Variants in ZNF804A observed in about 807,000 individuals in gnomAD.
ZNF804A encodes zinc finger protein 804A.
ZNF804A carries 2 observed loss-of-function variants against 16.5 expected under a neutral mutation model. The observed-to-expected ratio is 0.12, with a 90% confidence interval of 0.05 to 0.38. ZNF804A has a LOEUF of 0.38. ZNF804A is among the 10% of genes least tolerant of loss of function. The probability of loss-of-function intolerance (pLI) is 0.99; values close to 1 mark genes in which losing one functional copy is unlikely to be tolerated. For synonymous variants in ZNF804A, 534 were observed against 489.6 expected, an observed-to-expected ratio of 1.09 and a Z score of -1.20; for missense variants, 1,473 against 1,390.7, an observed-to-expected ratio of 1.06 and a Z score of -0.94.
At chr2:184,836,486 T>C (rs1018570831) in intron 1 of ZNF804A, among the ~76,000 whole-genome samples, 1 of 152,120 alleles carries the variant, frequency 6.6e-6, no homozygotes, top group East Asian at 1.9e-4. Context: ...TTACAACTGA[T>C]AAATATAACA....
In ZNF804A at chr2:184,859,088, T is replaced by G. The variant is rs570123005; in HGVS notation, c.112-7281T>G. On this transcript the variant is annotated intron_variant, in intron 1 of 3. Coordinates refer to ENST00000302277, the MANE Select transcript of ZNF804A (RefSeq NM_194250.2). Reference sequence around the variant, plus strand: ...TTTTATTGCTGCTTTCAGGATTTTCTCTTTGTCTTTAATTTTTGACAGTTG... The same window carrying G: ...TTTTATTGCTGCTTTCAGGATTTTCGCTTTGTCTTTAATTTTTGACAGTTG... Among the ~76,000 whole-genome samples, 192 of 152,326 alleles carry G rather than the reference T, an allele frequency of 1.3e-3. 1 individual carries two copies. The highest frequency in any genetic ancestry group is 4.1e-3 in the African/African-American group (171 of 41,580).
At chr2:184,686,216 C>T (rs1227496701) in intron 1 of ZNF804A, among the ~76,000 whole-genome samples, 1 of 152,196 alleles carries the variant, frequency 6.6e-6, no homozygotes, top group Non-Finnish European at 1.5e-5. Flanking sequence ...TAGGTGGCTG[C>T]AGCTACACTA....
intron 1 of ZNF804A, among the ~76,000 whole-genome samples, chr2:184,601,137 A>G (rs773225342): frequency 2.0e-5 from 3 of 152,108 alleles, no homozygotes; most frequent in Non-Finnish European, 4.4e-5. Context: ...AAATTTTCAT[A>G]TATGATGTGA....
chr2:184,764,980 A>C (rs1332512314), intron 1 of ZNF804A, among the ~76,000 whole-genome samples: 1 of 152,238 alleles, frequency 6.6e-6, no homozygotes, highest in Non-Finnish European at 1.5e-5. Context: ...TTTTTTAAAA[A>C]AACTATTTCC....
chr2:184,810,177 G>A (rs1045026994), intron 1 of ZNF804A, among the ~76,000 whole-genome samples: 23 of 152,254 alleles, frequency 1.5e-4, no homozygotes, highest in Middle Eastern at 3.4e-3. Flanking sequence ...GGCTTTTTCT[G>A]ACACTAGGAG....
rs1368164193 is a variant in ZNF804A, at chr2:184,909,128, C to T, written c.256-24475C>T. On this transcript the variant is annotated intron_variant, in intron 2 of 3. Coordinates refer to ENST00000302277, the MANE Select transcript of ZNF804A (RefSeq NM_194250.2). ...TTCACTAGGCCTTTTTAGAATTCAT[C>T]TCTGGACTATTGTAATGTTCTGTTA... Among the ~76,000 whole-genome samples, 7 of 152,134 alleles carry T rather than the reference C, an allele frequency of 4.6e-5. No individual in the cohort carries two copies. The East Asian group carries it at 1.4e-3, about 29-fold the overall frequency.
At chr2:184,907,177 A>T (rs1685289715) in intron 2 of ZNF804A, among the ~76,000 whole-genome samples, 1 of 152,172 alleles carries the variant, frequency 6.6e-6, no homozygotes, top group African/African-American at 2.4e-5. Flanking sequence ...AAACTGTGAC[A>T]ATCTATGAAA....
chr2:184,673,189 G>A (rs1692365577), intron 1 of ZNF804A, among the ~76,000 whole-genome samples: 1 of 152,188 alleles, frequency 6.6e-6, no homozygotes, highest in African/African-American at 2.4e-5. Flanking sequence ...AAGGGGAAAA[G>A]CCAGAGGCAA....
At chr2:184,676,916 T>C (rs189591747) in intron 1 of ZNF804A, among the ~76,000 whole-genome samples, 1 of 151,936 alleles carries the variant, frequency 6.6e-6, no homozygotes. Context: ...AGGTTCAACA[T>C]AAATAAATTT....
intron 1 of ZNF804A, among the ~76,000 whole-genome samples, chr2:184,834,146 C>T (rs1695306842): frequency 6.6e-6 from 1 of 151,990 alleles, no homozygotes; most frequent in Non-Finnish European, 1.5e-5. Flanking sequence ...CTTTTTATCT[C>T]CATGATTTAT....
At chr2:184,863,394 C>T (rs1695828837) in intron 1 of ZNF804A, among the ~76,000 whole-genome samples, 2 of 152,028 alleles carry the variant, frequency 1.3e-5, no homozygotes, top group South Asian at 4.1e-4. Flanking sequence ...GCTATAGTTA[C>T]TTTTAAATTA....
At chr2:184,726,523 T>C (rs1323754947) in intron 1 of ZNF804A, among the ~76,000 whole-genome samples, 2 of 151,608 alleles carry the variant, frequency 1.3e-5, no homozygotes, top group African/African-American at 2.4e-5. Flanking sequence ...GTATTTCCAA[T>C]TGGATAGGGC....
chr2:184,822,671 G>T (rs539916053), intron 1 of ZNF804A, among the ~76,000 whole-genome samples: 1 of 152,180 alleles, frequency 6.6e-6, no homozygotes, highest in African/African-American at 2.4e-5. Context: ...AACTTAAAAG[G>T]TAGGATAGAA....
rs1324228212 is a variant in ZNF804A at position 184,866,845 on chromosome 2, T to G, written c.255+333T>G. 4.6e-5 allele frequency among the ~76,000 whole-genome samples: 7 copies of G among 150,834 alleles called. No individual in the cohort carries two copies. In the East Asian group the frequency reaches 1.4e-3, roughly 29 times the overall value. On this transcript the variant is annotated intron_variant, in intron 2 of 3. Transcript: ENST00000302277. ...AAATGTATTGTTTTAAATATTTAAA[T>G]CAATAATTTATGCATTATATTATAT...
chr2:184,666,038 G>A (rs1041070045), intron 1 of ZNF804A, among the ~76,000 whole-genome samples: 1 of 152,112 alleles, frequency 6.6e-6, no homozygotes, highest in Admixed American at 6.6e-5. Context: ...CCTTTTTACT[G>A]TGCTACTAAC....
At chr2:184,895,920 C>T (rs1170333835) in intron 2 of ZNF804A, among the ~76,000 whole-genome samples, 1 of 151,986 alleles carries the variant, frequency 6.6e-6, no homozygotes, top group Non-Finnish European at 1.5e-5. Flanking sequence ...ATATATAGTT[C>T]TCTATTCCTT....
chr2:184,913,252 G>A (rs1043985225), intron 2 of ZNF804A, among the ~76,000 whole-genome samples: 12 of 152,120 alleles, frequency 7.9e-5, no homozygotes, highest in Non-Finnish European at 1.6e-4. Context: ...GTATACATTG[G>A]CATAGATTTA....
At chr2:184,675,363 CT>C in intron 1 of ZNF804A, among the ~76,000 whole-genome samples, 1 of 151,742 alleles carries the variant, frequency 6.6e-6, no homozygotes, top group East Asian at 1.9e-4. Flanking sequence ...ATAAATTTGA[CT>C]TACTTTTGTG....
At chr2:184,852,161 T>G (rs1695613957) in intron 1 of ZNF804A, among the ~76,000 whole-genome samples, 1 of 151,702 alleles carries the variant, frequency 6.6e-6, no homozygotes, top group Admixed American at 6.6e-5. Context: ...AGATCTACAG[T>G]GGATGCTTGA....
Sources: gnomAD v4.1 joint callset for allele counts (sites outside exome capture counted in the v4.1 genomes callset) on GRCh38, gnomAD v4.1.1 for gene constraint, MANE v1.5 for transcripts, NCBI Gene and HGNC (gene_info 2026-07-23, HGNC 2026-07-21) for gene names.